The following MBD5 variants were observed in gnomAD, a reference collection of about 807,000 sequenced individuals.
MBD5 encodes methyl-CpG binding domain protein 5.
In MBD5, 13 loss-of-function variants were observed where a neutral mutation model predicts 117.3. The observed-to-expected ratio is 0.11, with a 90% confidence interval of 0.07 to 0.18. MBD5 has a LOEUF of 0.18. MBD5 is among the 10% of genes least tolerant of loss of function. MBD5 has a pLI of 1.00. For missense variants in MBD5, 1,879 were observed against 2,093.8 expected (o/e 0.90, Z 2.00); for synonymous variants, 727 against 766.4 (o/e 0.95, Z 0.85).
chr2:148,144,937 T>C (rs905018653), intron 1 of MBD5, among the ~76,000 whole-genome samples: 10 of 152,216 alleles, frequency 6.6e-5, no homozygotes, highest in African/African-American at 1.7e-4. Context: ...GCGGGCTCTT[T>C]TTTGGTTCCA....
intron 1 of MBD5, among the ~76,000 whole-genome samples, chr2:148,058,050 A>G (rs995867895): frequency 1.3e-5 from 2 of 152,032 alleles, no homozygotes; most frequent in African/African-American, 4.8e-5. Flanking sequence ...TGTACATTTC[A>G]ATACTTTAAA....
At chr2:148,427,226 T>A (rs867800217) in intron 4 of MBD5, among the ~76,000 whole-genome samples, 4 of 152,300 alleles carry the variant, frequency 2.6e-5, no homozygotes, top group Non-Finnish European at 4.4e-5. Context: ...AGTTCCACCA[T>A]TGTGGAAGTT....
chr2:148,455,219 A>G (rs1261420323), intron 4 of MBD5, among the ~76,000 whole-genome samples: 1 of 152,168 alleles, frequency 6.6e-6, no homozygotes, highest in East Asian at 1.9e-4. Flanking sequence ...AGGGCTTCCT[A>G]AGACCCTTAC....
chr2:148,088,782 A>G (rs1325633187), intron 1 of MBD5, among the ~76,000 whole-genome samples: 2 of 152,176 alleles, frequency 1.3e-5, no homozygotes, highest in Non-Finnish European at 2.9e-5. Context: ...CACAGAACCT[A>G]TAAAAAATAC....
chr2:148,288,768 AAC>A (rs1384629697), intron 3 of MBD5, among the ~76,000 whole-genome samples: 1 of 152,178 alleles, frequency 6.6e-6, no homozygotes, highest in East Asian at 1.9e-4. Flanking sequence ...AGGAAAAAAA[AAC>A]AGTAATCTAA....
At chr2:148,379,873 C>G (rs1358333963) in intron 4 of MBD5, among the ~76,000 whole-genome samples, 1 of 151,918 alleles carries the variant, frequency 6.6e-6, no homozygotes, top group Non-Finnish European at 1.5e-5. Context: ...CAGTTTCAAA[C>G]AAATAAATAT....
intron 4 of MBD5, chr2:148,345,983 C>G (rs1703114807): frequency 6.6e-6 from 1 of 151,852 alleles, no homozygotes; most frequent in African/African-American, 2.4e-5. Flanking sequence ...GACGTGCCTT[C>G]CCCAGCCCAC....
At chr2:148,201,646 A>C (rs183886495) in intron 2 of MBD5, among the ~76,000 whole-genome samples, 1 of 152,184 alleles carries the variant, frequency 6.6e-6, no homozygotes, top group Non-Finnish European at 1.5e-5. Flanking sequence ...GCATCCAAGA[A>C]GAATGAGGTT....
chr2:148,323,264 G>C (rs1702340371), intron 3 of MBD5, among the ~76,000 whole-genome samples: 1 of 152,094 alleles, frequency 6.6e-6, no homozygotes, highest in Non-Finnish European at 1.5e-5. Flanking sequence ...ATTTGGGTTG[G>C]TTCCAAGTCT....
intron 4 of MBD5, among the ~76,000 whole-genome samples, chr2:148,400,521 A>G (rs1224465298): frequency 1.3e-5 from 2 of 152,212 alleles, no homozygotes; most frequent in African/African-American, 2.4e-5. Context: ...ATTTTTCAAG[A>G]AAGATTCTTG....
intron 4 of MBD5, among the ~76,000 whole-genome samples, chr2:148,430,998 T>C (rs115254984): frequency 3.3e-5 from 5 of 152,268 alleles, no homozygotes; most frequent in Non-Finnish European, 7.4e-5. Flanking sequence ...AGTTTACTGA[T>C]TGGAGTACAG....
intron 2 of MBD5, among the ~76,000 whole-genome samples, chr2:148,200,361 G>A (rs1269453658): frequency 6.6e-6 from 1 of 152,120 alleles, no homozygotes; most frequent in Non-Finnish European, 1.5e-5. Context: ...GCACTTAAAA[G>A]CAAGTCTAAT....
chr2:148,175,547 A>G (rs12623429), intron 1 of MBD5, among the ~76,000 whole-genome samples: 146,648 of 152,236 alleles, frequency 0.96, 70,868 homozygotes, highest in East Asian at 1. Flanking sequence ...TGGAAGTGGA[A>G]CACCATGGCA....
At chr2:148,408,437 T>C (rs895372479) in intron 4 of MBD5, among the ~76,000 whole-genome samples, 1 of 152,222 alleles carries the variant, frequency 6.6e-6, no homozygotes, top group African/African-American at 2.4e-5. Flanking sequence ...AAGGTTGCTG[T>C]CATGTTTTCA....
chr2:148,364,463 C>G (rs1009410977), intron 4 of MBD5, among the ~76,000 whole-genome samples: 6 of 152,182 alleles, frequency 3.9e-5, no homozygotes, highest in African/African-American at 1.4e-4. Flanking sequence ...TAACTAGCAT[C>G]ATAATGACAG....
At position 148,271,803 on chromosome 2, in the gene MBD5, T is replaced by C. The variant is rs536977666; in HGVS notation, c.-680+38408T>C. 2.6e-5 allele frequency among the ~76,000 whole-genome samples: 4 copies of C among 152,296 alleles called. No homozygotes were observed. In the South Asian group the frequency reaches 8.3e-4, roughly 32 times the overall value. On this transcript the variant is annotated intron_variant, in intron 3 of 13. Transcript: ENST00000642680. ...TTTTTTGTGATGAGAACACTTAATA[T>C]CTACTCAGCAATTGTCATTGTGTCA... is the stretch of plus-strand genomic sequence containing the variant.
At chr2:148,308,412 A>G (rs762272863) in intron 3 of MBD5, among the ~76,000 whole-genome samples, 2 of 141,622 alleles carry the variant, frequency 1.4e-5, no homozygotes, top group Non-Finnish European at 3.1e-5. Flanking sequence ...TTTTTTTCAT[A>G]TGTTTGTTGA....
chr2:148,123,340 G>A (rs1002475347), intron 1 of MBD5, among the ~76,000 whole-genome samples: 1 of 152,178 alleles, frequency 6.6e-6, no homozygotes, highest in Non-Finnish European at 1.5e-5. Flanking sequence ...AATGTAGAAA[G>A]CTATTATAAT....
At chr2:148,184,538 G>T (rs1698605749) in intron 2 of MBD5, among the ~76,000 whole-genome samples, 1 of 151,920 alleles carries the variant, frequency 6.6e-6, no homozygotes, top group African/African-American at 2.4e-5. Flanking sequence ...TTGTTCTCTT[G>T]TTCTTATTAT....
Sources: gnomAD v4.1 joint callset for allele counts (sites outside exome capture counted in the v4.1 genomes callset) on GRCh38, gnomAD v4.1.1 for gene constraint, MANE v1.5 for transcripts, NCBI Gene and HGNC (gene_info 2026-07-23, HGNC 2026-07-21) for gene names.